The following SMURF1 variants were observed in gnomAD, a reference collection of about 807,000 sequenced individuals.
SMURF1 encodes the protein E3 ubiquitin-protein ligase SMURF1.
In SMURF1, 44 loss-of-function variants were observed where a neutral mutation model predicts 98.0. The ratio of observed to expected loss-of-function variants is 0.45; its 90% CI spans 0.35 to 0.58. SMURF1 has a LOEUF of 0.58. SMURF1 is among the 20% of genes least tolerant of loss of function. The pLI, the probability that SMURF1 is intolerant of heterozygous loss-of-function variation, is 0.00. For synonymous variants in SMURF1, 396 were observed against 374.9 expected (o/e 1.06, Z -0.65); for missense variants, 687 against 938.4 (o/e 0.73, Z 3.50).
chr7:99,143,830 C>T lies in SMURF1; in HGVS notation c.-50G>A. 2.1e-6 allele frequency: 3 copies of T among 1,442,014 alleles called. No individual in the cohort carries two copies. The highest frequency in any genetic ancestry group is 2.8e-6 in the Non-Finnish European group (3 of 1,090,872). 89.3% of individuals were successfully genotyped at this position (1,442,014 alleles called of 1,614,324 possible). On this transcript the variant is annotated 5_prime_UTR_variant, in exon 1 of 18. Transcript: ENST00000361368. The stretch of plus-strand genomic sequence containing the variant: ...CGGATCCAGCGCCACCGCCCCCCAG[C>T]CCGGCCCGGCCCGGCCCCGCCGCCG...
rs535047503 is a variant in SMURF1 at position 99,125,731 on chromosome 7, G to A, written c.55+17995C>T. 4.3e-3 allele frequency among the ~76,000 whole-genome samples: 660 copies of A among 152,294 alleles called. 7 individuals carry two copies. The highest frequency in any genetic ancestry group is 0.021 in the South Asian group (102 of 4,830). On this transcript the variant is annotated intron_variant, in intron 1 of 17. Transcript: ENST00000361368. ...ACTTGCCTCCAGCACCTGGCCCTTAGTTACCATGCTACTCCAGTCCCTGGA... is the reference window on the plus strand; with the variant it reads ...ACTTGCCTCCAGCACCTGGCCCTTAATTACCATGCTACTCCAGTCCCTGGA...
intron 1 of SMURF1, among the ~76,000 whole-genome samples, chr7:99,093,296 A>C (rs1406016877): frequency 6.6e-6 from 1 of 152,206 alleles, no homozygotes; most frequent in African/African-American, 2.4e-5. Flanking sequence ...CTGGTTAATC[A>C]CATTAAAAGC....
chr7:99,046,727 G>T, intron 10 of SMURF1, among the ~76,000 whole-genome samples: 1 of 87,730 alleles, frequency 1.1e-5, no homozygotes, highest in Non-Finnish European at 2.1e-5. Context: ...GCAAGACTCC[G>T]TCTCAAAAAA....
chr7:99,032,120 T>G (rs2150488631), intron 17 of SMURF1, among the ~76,000 whole-genome samples: 1 of 152,338 alleles, frequency 6.6e-6, no homozygotes, highest in Admixed American at 6.5e-5. Flanking sequence ...ACAATTTTCC[T>G]TACCAACAGG....
chr7:99,104,033 T>C (rs745741433), intron 1 of SMURF1, among the ~76,000 whole-genome samples: 1 of 151,972 alleles, frequency 6.6e-6, no homozygotes, highest in Non-Finnish European at 1.5e-5. Context: ...ATTACATGCG[T>C]GCGTCACCAC....
chr7:99,030,896 C>T (rs187701880), intron 17 of SMURF1: 40 of 442,960 alleles, frequency 9.0e-5, no homozygotes, highest in Admixed American at 1.9e-4. Flanking sequence ...GACAGGGTCT[C>T]GCTAGGTTGC....
Position 99,085,702 on chromosome 7 carries a change from T to C in SMURF1, c.56-23865A>G, listed in dbSNP as rs187820889. Among the ~76,000 whole-genome samples the C allele has an allele frequency of 1.9e-4, 29 of 152,344 alleles. No individual in the cohort carries two copies. The East Asian group carries it at 4.4e-3, about 23-fold the overall frequency. On this transcript the variant is annotated intron_variant, in intron 1 of 17. Coordinates refer to ENST00000361368, the MANE Select transcript of SMURF1 (RefSeq NM_181349.3). ...GTAGAATGACATGTAGCCACCCTTA[T>C]AGTATCACACGGAATAGTTTCGCTG... is the stretch of plus-strand genomic sequence containing the variant.
At chr7:99,068,628 T>C (rs1796251565) in intron 1 of SMURF1, among the ~76,000 whole-genome samples, 1 of 152,172 alleles carries the variant, frequency 6.6e-6, no homozygotes, top group Non-Finnish European at 1.5e-5. Context: ...GCCATTTTCA[T>C]GTTCTTATGC....
At position 99,057,459 on chromosome 7, in the gene SMURF1, C is replaced by A; in HGVS notation, c.296G>T (p.Arg99Leu). The change falls in exon 4 of 18, where the codon CGG (arginine) becomes CTG (leucine). Residue 99 changes from arginine to leucine, a missense_variant. Around this residue, in one of 2 missense-constraint regions of SMURF1, gnomAD observed 415 missense variants for 508.4 expected, o/e 0.82. Coordinates refer to ENST00000361368, the MANE Select transcript of SMURF1 (RefSeq NM_181349.3). ...TCTGCTGATGGCATTGGAGAGCAGC[C>A]GCACACAGCCCAGGAAGCCAGCTCC... ...KQGAGFLGCVRLLSNAISRLK... is the reference protein window; with the variant it reads ...KQGAGFLGCVLLLSNAISRLK... 6.2e-7 allele frequency: 1 copy of A among 1,604,146 alleles called. No homozygotes were observed. The highest frequency in any genetic ancestry group is 8.5e-7 in the Non-Finnish European group (1 of 1,177,706).
rs1173991746 is a variant in SMURF1 at position 99,063,257 on chromosome 7, A to T, written c.56-1420T>A. On this transcript the variant is annotated intron_variant, in intron 1 of 17. Transcript: ENST00000361368. ...AAGATTTATTTATATATATATATAT[A>T]TATATATATATATATATATATATAT... Among the ~76,000 whole-genome samples, 6 of 5,570 alleles carry T rather than the reference A, an allele frequency of 1.1e-3. No homozygotes were observed. The East Asian group carries it at 0.022, about 21-fold the overall frequency. The allele number at this position is 5,570 out of a possible 152,430, so 3.7% of individuals were successfully genotyped here.
intron 1 of SMURF1, among the ~76,000 whole-genome samples, chr7:99,130,920 T>G (rs1435125251): frequency 6.6e-6 from 1 of 152,180 alleles, no homozygotes; most frequent in Non-Finnish European, 1.5e-5. Flanking sequence ...TTGACCCAAA[T>G]TAGGCCAATG....
chr7:99,066,003 G>A (rs1050345073), intron 1 of SMURF1, among the ~76,000 whole-genome samples: 8 of 150,568 alleles, frequency 5.3e-5, no homozygotes, highest in South Asian at 2.1e-4. Context: ...CTGAGATCGC[G>A]CCACTGTACT....
chr7:99,075,509 G>T (rs531991054), intron 1 of SMURF1, among the ~76,000 whole-genome samples: 3 of 152,256 alleles, frequency 2.0e-5, no homozygotes, highest in Middle Eastern at 3.4e-3. Flanking sequence ...GATAAGGTAG[G>T]AGTAGTCTTG....
At chr7:99,143,449 AG>A (rs2150664612) in intron 1 of SMURF1, among the ~76,000 whole-genome samples, 1 of 112,054 alleles carries the variant, frequency 8.9e-6, no homozygotes, top group South Asian at 3.3e-4. Flanking sequence ...AATGGAAATG[AG>A]AGGGGCGGGG....
chr7:99,065,549 T>A (rs968483409), intron 1 of SMURF1, among the ~76,000 whole-genome samples: 9 of 152,210 alleles, frequency 5.9e-5, no homozygotes, highest in African/African-American at 2.2e-4. Flanking sequence ...TAATTTGAAA[T>A]CACCCATCTA....
At chr7:99,142,770 G>A (rs1798159058) in intron 1 of SMURF1, among the ~76,000 whole-genome samples, 1 of 151,132 alleles carries the variant, frequency 6.6e-6, no homozygotes, top group South Asian at 2.1e-4. Flanking sequence ...AAGACCAGGA[G>A]GATGAGGGGA....
At chr7:99,121,268 G>A (rs1388571523) in intron 1 of SMURF1, 1 of 146,502 alleles carries the variant, frequency 6.8e-6, no homozygotes, top group Non-Finnish European at 1.5e-5. Context: ...TGAGATTAAT[G>A]ACAATTAACA....
chr7:99,058,974 C>T (rs1795951742), intron 3 of SMURF1, among the ~76,000 whole-genome samples: 1 of 152,158 alleles, frequency 6.6e-6, no homozygotes, highest in Admixed American at 6.5e-5. Context: ...ATCCCAGCTA[C>T]TCGGGAGGCT....
At chr7:99,139,718 C>G (rs952135715) in intron 1 of SMURF1, among the ~76,000 whole-genome samples, 2 of 152,084 alleles carry the variant, frequency 1.3e-5, no homozygotes, top group East Asian at 3.9e-4. Flanking sequence ...ATATATTATG[C>G]CCCTAAACCT....
Sources: allele counts gnomAD v4.1 joint callset (sites outside exome capture counted in the v4.1 genomes callset), GRCh38; gene constraint gnomAD v4.1.1; regional missense constraint gnomAD v4.1.1; transcripts MANE v1.5; gene names NCBI Gene and HGNC (gene_info 2026-07-23, HGNC 2026-07-21).